Variants in RSL1D1 observed in about 807,000 individuals in gnomAD.
RSL1D1 encodes ribosomal L1 domain-containing protein 1.
A neutral mutation model predicts 44.6 loss-of-function variants in RSL1D1; 34 were observed. The observed-to-expected ratio is 0.76, with a 90% CI of 0.58 to 1.02. The LOEUF (loss-of-function observed/expected upper bound fraction) is 1.02. RSL1D1 is among the 50% of genes least tolerant of loss of function. The pLI, the probability that RSL1D1 is intolerant of heterozygous loss-of-function variation, is 0.00. For synonymous variants in RSL1D1, 271 were observed against 207.4 expected, an observed-to-expected ratio of 1.31 and a Z score of -2.63; for missense variants, 767 against 568.1, an observed-to-expected ratio of 1.35 and a Z score of -3.56.
chr16:11,847,831 G>T, intron 2 of RSL1D1, 25 bp from the exon 3 acceptor site: 1 of 1,608,328 alleles, frequency 6.2e-7, no homozygotes, highest in Non-Finnish European at 8.5e-7. Context: ...AAAAGAAACC[G>T]AGGAAAGCAT....
Position 11,850,378 on chromosome 16 carries a change from G to C in RSL1D1, c.146C>G (p.Ser49Cys). The change falls in exon 2 of 9, where the codon TCC becomes TGC. Residue 49 changes from serine (S) to cysteine (C), a missense_variant. By Grantham distance (112) the Ser-to-Cys change is moderately radical (BLOSUM62 -1). Transcript: ENST00000571133. ...AAGCAACCCATAATTGTTTTTCCTGGACTTGCAATGCGTCAAGAGAGCGTC... is the reference window on the plus strand; with the variant it reads ...AAGCAACCCATAATTGTTTTTCCTGCACTTGCAATGCGTCAAGAGAGCGTC... ...AVDALLTHCK[S>C]RKNNYGLLLN... The C allele has an allele frequency of 6.3e-7, 1 of 1,599,714 alleles. No individual in the cohort carries two copies. The highest frequency in any genetic ancestry group is 1.1e-5 in the South Asian group (1 of 87,364).
intron 5 of RSL1D1, among the ~76,000 whole-genome samples, chr16:11,845,948 G>T (rs2141253916): frequency 6.6e-6 from 1 of 151,932 alleles, no homozygotes; most frequent in African/African-American, 2.4e-5. Flanking sequence ...GCCCAAGCTG[G>T]TCTTGCACTC....
At chr16:11,841,555 T>C (rs2053763790) in intron 7 of RSL1D1, 140 bp downstream of exon 7, 1 of 730,558 alleles carries the variant, frequency 1.4e-6, no homozygotes, top group East Asian at 2.7e-5. Flanking sequence ...TTTTACCTCA[T>C]GTAAAGTGAC....
Position 11,841,956 on chromosome 16 carries a change from A to G in RSL1D1, c.680T>C (p.Ile227Thr), listed in dbSNP as rs1230702927. 5.6e-6 allele frequency: 9 copies of G among 1,614,106 alleles called. No homozygotes were observed. Among genetic ancestry groups the G allele is most frequent in the Middle Eastern group, 1.7e-4 (1 of 6,058 alleles). Residue 227 changes from isoleucine to threonine, a missense_variant, in exon 6 of 9, where the codon ATT (isoleucine) becomes ACT (threonine). Ile to Thr is a moderately conservative substitution (Grantham distance 89). Coordinates refer to ENST00000571133, the MANE Select transcript of RSL1D1 (RefSeq NM_015659.3). ...GHVGMQIEHI[I>T]ENIVAVTKGL... ...TTTGGTGACAGCAACAATGTTTTCA[A>G]TGATGTGCTCAATTTGCATTCCAAC...
intron 5 of RSL1D1, among the ~76,000 whole-genome samples, chr16:11,842,238 A>G (rs1229532483): frequency 1.3e-5 from 2 of 152,006 alleles, no homozygotes; most frequent in Non-Finnish European, 1.5e-5. Flanking sequence ...GAGGCAGAAA[A>G]ATCACCTGAG....
At chr16:11,840,991 T>A (rs1196734501) in intron 7 of RSL1D1, among the ~76,000 whole-genome samples, 1 of 152,212 alleles carries the variant, frequency 6.6e-6, no homozygotes, top group Non-Finnish European at 1.5e-5. Context: ...GTTTCAAATG[T>A]ATATATAGCT....
intron 7 of RSL1D1, among the ~76,000 whole-genome samples, chr16:11,840,853 A>G (rs2053760075): frequency 6.6e-6 from 1 of 152,172 alleles, no homozygotes. Context: ...GTGATGAAAC[A>G]GCGCCTTTTC....
In RSL1D1 at chr16:11,837,900, T is replaced by A. The variant is rs1421029255; in HGVS notation, c.1360A>T (p.Thr454Ser). 6.2e-7 allele frequency: 1 copy of A among 1,613,998 alleles called. No homozygotes were observed. The highest frequency in any genetic ancestry group is 1.7e-5 in the Admixed American group (1 of 59,960). ...AACTTGGCCTCTGGCTTTTTTGGAGTCTGTCTCGCATCTTTTTTCCCCAGC... is the reference window on the plus strand; with the variant it reads ...AACTTGGCCTCTGGCTTTTTTGGAGACTGTCTCGCATCTTTTTTCCCCAGC... ...PSLGKKDARQ[T>S]PKKPEAKFFT... is the part of the protein sequence containing the mutation. The change falls in exon 9 of 9, where the codon ACT becomes TCT. Residue 454 changes from threonine (T) to serine (S), a missense_variant. By Grantham distance (58) the Thr-to-Ser change is moderately conservative. Coordinates refer to ENST00000571133, the MANE Select transcript of RSL1D1 (RefSeq NM_015659.3).
At chr16:11,842,963 C>T (rs1333900776) in intron 5 of RSL1D1, among the ~76,000 whole-genome samples, 1 of 149,772 alleles carries the variant, frequency 6.7e-6, no homozygotes, top group Non-Finnish European at 1.5e-5. Flanking sequence ...CACTCGTTGC[C>T]CAGGCTGGAG....
intron 5 of RSL1D1, among the ~76,000 whole-genome samples, chr16:11,844,797 G>C (rs1314233087): frequency 6.6e-6 from 1 of 152,196 alleles, no homozygotes; most frequent in African/African-American, 2.4e-5. Context: ...ACCGCAGTCA[G>C]CAAGTGCAGT....
rs1258059680 is a variant in RSL1D1, at chr16:11,851,408, C to T, written c.105G>A (p.Gln35=). ...PTARKQLDKE[Q]VRKAVDALLT... ...GCCACCCTCCCCAGGAACCACTCACCTGTTCTTTATCCAGCTGCTTCCGTG... is the reference window on the plus strand; with the variant it reads ...GCCACCCTCCCCAGGAACCACTCACTTGTTCTTTATCCAGCTGCTTCCGTG... Residue 35 remains glutamine (Q), a splice_region_variant and synonymous_variant, in exon 1 of 9, where the codon CAG becomes CAA. Coordinates refer to ENST00000571133, the MANE Select transcript of RSL1D1 (RefSeq NM_015659.3). The T allele has an allele frequency of 1.2e-6, 2 of 1,613,878 alleles. No individual in the cohort carries two copies. Among genetic ancestry groups the T allele is most frequent in the African/African-American group, 1.3e-5 (1 of 74,938 alleles).
At chr16:11,839,171 G>A (rs994549131) in intron 8 of RSL1D1, among the ~76,000 whole-genome samples, 4 of 152,030 alleles carry the variant, frequency 2.6e-5, no homozygotes, top group African/African-American at 9.7e-5. Flanking sequence ...TTCAAGACCA[G>A]CCTGGCCAAC....
At position 11,841,783 on chromosome 16, in the gene RSL1D1, TCA is replaced by T; in HGVS notation, c.765_766del (p.Lys257IlefsTer16). ...AAAGATGGGAAGTGCAGCCGATTTC[TCA>T]GTTTTCACAAACAGGAGTTTCACGC... On this transcript the variant is annotated frameshift_variant, in exon 7 of 9. Transcript: ENST00000571133. LOFTEE classifies it high-confidence loss of function. The T allele has an allele frequency of 6.2e-7, 1 of 1,614,118 alleles. No homozygotes were observed. Among genetic ancestry groups the T allele is most frequent in the Non-Finnish European group, 8.5e-7 (1 of 1,179,996 alleles).
At position 11,850,397 on chromosome 16, in the gene RSL1D1, G is replaced by C. The variant is rs191076139; in HGVS notation, c.127C>G (p.Leu43Val). The part of the protein sequence containing the change: ...KEQVRKAVDA[L>V]LTHCKSRKNN... ...TTCCTGGACTTGCAATGCGTCAAGAGAGCGTCCACTGCCTTTCTAACCTGC... is the reference window on the plus strand; with the variant it reads ...TTCCTGGACTTGCAATGCGTCAAGACAGCGTCCACTGCCTTTCTAACCTGC... Residue 43 changes from leucine (L) to valine (V), a missense_variant, in exon 2 of 9, where the codon CTC becomes GTC. Physicochemically the swap from Leu to Val is conservative, Grantham distance 32. Coordinates refer to ENST00000571133, the MANE Select transcript of RSL1D1 (RefSeq NM_015659.3). 2 of 1,598,472 alleles carry C rather than the reference G, an allele frequency of 1.3e-6. No individual in the cohort carries two copies. The highest frequency in any genetic ancestry group is 3.6e-5 in the Admixed American group (2 of 54,924).
chr16:11,847,663 C>T lies in RSL1D1; in HGVS notation c.384+5G>A, dbSNP rs370424528. On this transcript the variant is annotated splice_donor_5th_base_variant and intron_variant, in intron 3 of 8. Coordinates refer to ENST00000571133, the MANE Select transcript of RSL1D1 (RefSeq NM_015659.3). ...TAACTTGAAAATATTAACCAGGCTT[C>T]CTACCTGAGAAACGGTTTTAATTCC... 53 of 1,604,274 alleles carry T rather than the reference C, an allele frequency of 3.3e-5. No individual in the cohort carries two copies. The highest frequency in any genetic ancestry group is 4.4e-5 in the Non-Finnish European group (52 of 1,176,170).
intron 5 of RSL1D1, 107 bp downstream of exon 5, chr16:11,846,394 C>CAAAAA: frequency 9.3e-6 from 5 of 537,324 alleles, no homozygotes; most frequent in Non-Finnish European, 1.5e-5. Context: ...GACTCCATCT[C>CAAAAA]AAAAAAAAAA....
At chr16:11,849,611 T>C (rs1048016047) in intron 2 of RSL1D1, among the ~76,000 whole-genome samples, 1 of 152,218 alleles carries the variant, frequency 6.6e-6, no homozygotes, top group Admixed American at 6.5e-5. Context: ...TAATAGTCTC[T>C]GTACAAAGGA....
chr16:11,842,621 G>A (rs767556002), intron 5 of RSL1D1, among the ~76,000 whole-genome samples: 2 of 151,950 alleles, frequency 1.3e-5, no homozygotes, highest in African/African-American at 2.4e-5. Context: ...TGATCCTCCT[G>A]CCTCAACCTC....
At chr16:11,851,068 C>T (rs1176876534) in intron 1 of RSL1D1, 13 of 379,540 alleles carry the variant, frequency 3.4e-5, no homozygotes, top group Non-Finnish European at 5.0e-5. Context: ...TAACGGGGAG[C>T]CGAAGGGCCC....
Sources: gnomAD v4.1 joint callset for allele counts (sites outside exome capture counted in the v4.1 genomes callset) on GRCh38, gnomAD v4.1.1 for gene constraint, MANE v1.5 for transcripts, NCBI Gene and HGNC (gene_info 2026-07-23, HGNC 2026-07-21) for gene names.